The following SNX29 variants were observed in gnomAD, a reference collection of about 807,000 sequenced individuals.
SNX29 encodes sorting nexin 29.
SNX29 carries 78 observed loss-of-function variants against 102.1 expected under a neutral mutation model. That is an observed-to-expected ratio of 0.76 (90% confidence interval 0.64 to 0.92). SNX29 has a LOEUF of 0.92. Ranked by LOEUF, SNX29 falls within the 40% of genes least tolerant of loss-of-function variation. SNX29 has a pLI of 0.00. For synonymous variants in SNX29, 580 were observed against 414.5 expected, an observed-to-expected ratio of 1.40 and a Z score of -4.85; for missense variants, 1,280 against 1,061.7, an observed-to-expected ratio of 1.21 and a Z score of -2.86.
intron 20 of SNX29, among the ~76,000 whole-genome samples, chr16:12,549,893 C>G (rs748473146): frequency 6.6e-6 from 1 of 152,234 alleles, no homozygotes; most frequent in African/African-American, 2.4e-5. Context: ...GAACAGAGAT[C>G]AGAAAATGAT....
chr16:12,236,036 C>G (rs561765499), intron 14 of SNX29, among the ~76,000 whole-genome samples: 15 of 152,238 alleles, frequency 9.9e-5, no homozygotes, highest in African/African-American at 3.1e-4. Flanking sequence ...TGTTTCCTTC[C>G]TGTCCTCTCT....
chr16:12,563,709 G>A (rs750832502), intron 20 of SNX29, among the ~76,000 whole-genome samples: 2 of 152,184 alleles, frequency 1.3e-5, no homozygotes, highest in African/African-American at 2.4e-5. Flanking sequence ...AGAGGAACAT[G>A]AGGAAAGCCA....
At chr16:12,515,618 A>C in intron 19 of SNX29, 1 of 487,030 alleles carries the variant, frequency 2.1e-6, no homozygotes, top group Non-Finnish European at 4.1e-6. Flanking sequence ...ACCTCCTCCC[A>C]GGTGCCTTCC....
At chr16:12,111,523 G>A (rs1044089832) in intron 11 of SNX29, among the ~76,000 whole-genome samples, 4 of 152,072 alleles carry the variant, frequency 2.6e-5, no homozygotes, top group Admixed American at 6.6e-5. Flanking sequence ...TTCCCTTTAC[G>A]TCTCAGTGAC....
rs115922960 is a variant in SNX29, at chr16:12,145,069, A to G, written c.1595+15311A>G. 7.9e-3 allele frequency among the ~76,000 whole-genome samples: 1,207 copies of G among 152,226 alleles called. 17 individuals carry two copies. Among genetic ancestry groups the G allele is most frequent in the African/African-American group, 0.028 (1,161 of 41,530 alleles). Reference sequence around the variant, plus strand: ...GCCTCTGAGCTTTCAACGTGCGCCCACTGTTCTGCAACTTGGTTTGCTCAC... The same window carrying G: ...GCCTCTGAGCTTTCAACGTGCGCCCGCTGTTCTGCAACTTGGTTTGCTCAC... On this transcript the variant is annotated intron_variant, in intron 13 of 20. Transcript: ENST00000566228.
chr16:12,122,557 T>C (rs2054021752), intron 11 of SNX29, among the ~76,000 whole-genome samples: 1 of 152,122 alleles, frequency 6.6e-6, no homozygotes, highest in Admixed American at 6.6e-5. Flanking sequence ...GGAAACAGCC[T>C]GTGCCAAGAC....
At chr16:12,100,389 C>T (rs942231085) in intron 11 of SNX29, among the ~76,000 whole-genome samples, 3 of 152,174 alleles carry the variant, frequency 2.0e-5, no homozygotes, top group African/African-American at 4.8e-5. Flanking sequence ...CAGCGTCCTC[C>T]AGGGGAGCGG....
chr16:12,061,085 G>A lies in SNX29; in HGVS notation c.1125-443G>A, dbSNP rs1215956070. 7.9e-5 allele frequency among the ~76,000 whole-genome samples: 12 copies of A among 152,262 alleles called. No homozygotes were observed. In the East Asian group the frequency reaches 1.7e-3, roughly 22 times the overall value. ...AAGCCTTTGTCCCTCCTCTTCACTC[G>A]GTGGCTTGGGCTTCCTCCAGCTCCC... On this transcript the variant is annotated intron_variant, in intron 8 of 20. Transcript: ENST00000566228.
chr16:12,353,939 A>G (rs1252897556), intron 15 of SNX29, among the ~76,000 whole-genome samples: 1 of 152,140 alleles, frequency 6.6e-6, no homozygotes, highest in Non-Finnish European at 1.5e-5. Flanking sequence ...TCTCTGTCCT[A>G]TTTTCTGTGG....
intron 20 of SNX29, among the ~76,000 whole-genome samples, chr16:12,541,641 G>C (rs7500082): frequency 0.38 from 57,860 of 151,940 alleles, 11,777 homozygotes; most frequent in East Asian, 0.54. Flanking sequence ...TCGCATCTTC[G>C]TTCAGCCAGC....
intron 13 of SNX29, among the ~76,000 whole-genome samples, chr16:12,192,177 C>T (rs913882215): frequency 3.9e-5 from 6 of 152,120 alleles, no homozygotes; most frequent in African/African-American, 9.7e-5. Context: ...TTATTGCAGT[C>T]GTTGGAAGCT....
chr16:12,500,637 A>G (rs749862677), intron 19 of SNX29, among the ~76,000 whole-genome samples: 1 of 152,240 alleles, frequency 6.6e-6, no homozygotes, highest in Non-Finnish European at 1.5e-5. Context: ...TCATCTGTCT[A>G]TTCTTTCTCA....
chr16:12,259,152 T>A lies in SNX29; in HGVS notation c.1679-18781T>A, dbSNP rs562092394. 1.1e-4 allele frequency among the ~76,000 whole-genome samples: 17 copies of A among 152,280 alleles called. No individual in the cohort carries two copies. The East Asian group carries it at 2.9e-3, about 26-fold the overall frequency. On this transcript the variant is annotated intron_variant, in intron 14 of 20. Coordinates refer to ENST00000566228, the MANE Select transcript of SNX29 (RefSeq NM_032167.5). ...TCCGGGAAGTTGTCTAGGCTGTACATCATCTCCGTGGGCTTTTGAAATAGC... is the reference window on the plus strand; with the variant it reads ...TCCGGGAAGTTGTCTAGGCTGTACAACATCTCCGTGGGCTTTTGAAATAGC...
At chr16:12,444,842 GTT>G (rs34218008) in intron 18 of SNX29, among the ~76,000 whole-genome samples, 1 of 132,580 alleles carries the variant, frequency 7.5e-6, no homozygotes, top group Non-Finnish European at 1.6e-5. Context: ...GTTTTTTTTT[GTT>G]TTTTTTTTTT....
chr16:12,119,384 C>CA (rs1486457080), intron 11 of SNX29, among the ~76,000 whole-genome samples: 3 of 152,182 alleles, frequency 2.0e-5, no homozygotes, highest in Admixed American at 1.3e-4. Context: ...GAGAGAAAAC[C>CA]AAAAAATTAC....
intron 14 of SNX29, among the ~76,000 whole-genome samples, chr16:12,208,740 C>T (rs1415583868): frequency 1.3e-5 from 2 of 151,698 alleles, no homozygotes; most frequent in African/African-American, 4.8e-5. Context: ...CTTTGGGAGG[C>T]TGAGGTGGGA....
intron 20 of SNX29, 73 bp from the exon 21 acceptor site, chr16:12,568,433 G>GCTCCC: frequency 6.3e-7 from 1 of 1,580,294 alleles, no homozygotes; most frequent in Non-Finnish European, 8.6e-7. Context: ...CTCACACCTG[G>GCTCCC]CTCCCCTTCC....
intron 18 of SNX29, among the ~76,000 whole-genome samples, chr16:12,464,905 C>T (rs561085387): frequency 6.6e-6 from 1 of 152,240 alleles, no homozygotes; most frequent in African/African-American, 2.4e-5. Context: ...GATACCCTCA[C>T]CAACACTTGT....
Position 12,477,787 on chromosome 16 carries a change from C to G in SNX29, c.2106C>G (p.His702Gln), listed in dbSNP as rs902701152. Residue 702 changes from histidine (H) to glutamine (Q), a missense_variant, in exon 19 of 21, where the codon CAC becomes CAG. His to Gln is a conservative substitution (Grantham distance 24). Transcript: ENST00000566228. ...GGTATACAGAGTTCAGGAGTTTGCA[C>G]CACAAGTTACAAAACAAGTACCCTC... Reference protein sequence around the residue: ...YRRYTEFRSLHHKLQNKYPQV... With the variant: ...YRRYTEFRSLQHKLQNKYPQV... 1.2e-6 allele frequency: 2 copies of G among 1,613,144 alleles called. No individual in the cohort carries two copies. The highest frequency in any genetic ancestry group is 2.7e-5 in the African/African-American group (2 of 74,850).
Sources: gnomAD v4.1 joint callset for allele counts (sites outside exome capture counted in the v4.1 genomes callset) on GRCh38, gnomAD v4.1.1 for gene constraint, MANE v1.5 for transcripts, NCBI Gene and HGNC (gene_info 2026-07-23, HGNC 2026-07-21) for gene names.